PCSK6: variants seen among roughly 807,000 people sequenced by gnomAD.
PCSK6 encodes proprotein convertase subtilisin/kexin type 6, also known as paired basic amino acid cleaving enzyme 4.
A neutral mutation model predicts 123.3 loss-of-function variants in PCSK6; 85 were observed. The observed-to-expected ratio is 0.69, with a 90% CI of 0.58 to 0.83. The LOEUF is 0.83. PCSK6 is among the 40% of genes least tolerant of loss of function. The pLI is 0.00. For synonymous variants in PCSK6, 508 were observed against 516.0 expected (o/e 0.98, Z 0.21); for missense variants, 1,191 against 1,282.3 (o/e 0.93, Z 1.09).
intron 1 of PCSK6, among the ~76,000 whole-genome samples, chr15:101,488,398 A>C (rs969229895): frequency 2.0e-5 from 3 of 152,094 alleles, no homozygotes; most frequent in Non-Finnish European, 4.4e-5. Flanking sequence ...GAGAGGAAAA[A>C]GGGACCCGCC....
intron 11 of PCSK6, among the ~76,000 whole-genome samples, chr15:101,377,886 A>G (rs2041798210): frequency 6.6e-6 from 1 of 152,250 alleles, no homozygotes; most frequent in Non-Finnish European, 1.5e-5. Flanking sequence ...CTGTCTGGAC[A>G]GTAACCTTCC....
chr15:101,322,502 G>C lies in PCSK6; in HGVS notation c.2465+18C>G. 6.3e-7 allele frequency: 1 copy of C among 1,576,692 alleles called. No homozygotes were observed. Among genetic ancestry groups the C allele is most frequent in the Non-Finnish European group, 8.7e-7 (1 of 1,146,726 alleles). On this transcript the variant is annotated intron_variant, in intron 18 of 21. Coordinates refer to ENST00000611716, the MANE Select transcript of PCSK6 (RefSeq NM_002570.5). ...GCGCCACCGCCCTGACATTCCTCAG[G>C]TTTCGAGGGGGTTTTACCTGAATCC...
intron 1 of PCSK6, chr15:101,462,961 C>A: frequency 2.2e-6 from 1 of 453,446 alleles, no homozygotes; most frequent in Non-Finnish European, 4.4e-6. Flanking sequence ...CCAGGAGCAG[C>A]CTGGGAAGGC....
chr15:101,307,074 A>C (rs2039739183), intron 21 of PCSK6, 139 bp downstream of exon 21: 3 of 646,306 alleles, frequency 4.6e-6, no homozygotes, highest in East Asian at 2.7e-5. Flanking sequence ...GGAATCCCAG[A>C]CAGTCAATCG....
At chr15:101,382,353 G>T (rs1399325958) in intron 10 of PCSK6, 144 bp from the exon 11 acceptor site, 2 of 631,500 alleles carry the variant, frequency 3.2e-6, no homozygotes, top group Admixed American at 5.6e-5. Context: ...CTGCAGGACG[G>T]GTCCCCCTGA....
chr15:101,403,543 A>C (rs895573579), intron 6 of PCSK6, among the ~76,000 whole-genome samples: 1 of 152,128 alleles, frequency 6.6e-6, no homozygotes, highest in Non-Finnish European at 1.5e-5. Context: ...TGTCACATAC[A>C]CGTTAGTTAT....
chr15:101,375,046 G>A (rs570070900), intron 11 of PCSK6, among the ~76,000 whole-genome samples: 12 of 151,598 alleles, frequency 7.9e-5, no homozygotes, highest in Admixed American at 3.9e-4. Context: ...TCTGCCTCCC[G>A]GGTTCAAGCA....
At chr15:101,449,708 TG>T (rs2056983703) in intron 1 of PCSK6, among the ~76,000 whole-genome samples, 1 of 152,166 alleles carries the variant, frequency 6.6e-6, no homozygotes, top group Non-Finnish European at 1.5e-5. Flanking sequence ...GAACAGCCAC[TG>T]GGGAGGTGGG....
intron 1 of PCSK6, among the ~76,000 whole-genome samples, chr15:101,447,062 G>A (rs28685726): frequency 0.015 from 2,228 of 152,246 alleles, 43 homozygotes; most frequent in African/African-American, 0.051. Flanking sequence ...AAGTCTCGTC[G>A]GCCCGGATGA....
intron 13 of PCSK6, chr15:101,346,930 GGA>G (rs1439861801): frequency 8.9e-6 from 11 of 1,231,534 alleles, no homozygotes; most frequent in Non-Finnish European, 1.1e-5. Flanking sequence ...TCTCAAACGA[GGA>G]GAGTTTTGGG....
chr15:101,360,310 C>T (rs904830019), intron 13 of PCSK6, among the ~76,000 whole-genome samples: 3 of 152,218 alleles, frequency 2.0e-5, no homozygotes. Flanking sequence ...CACCTCTGTC[C>T]TCTGCCTAAA....
At chr15:101,462,660 G>A (rs558975553) in intron 1 of PCSK6, among the ~76,000 whole-genome samples, 1 of 152,212 alleles carries the variant, frequency 6.6e-6, no homozygotes, top group East Asian at 1.9e-4. Flanking sequence ...TTGAAAGGAG[G>A]AACTAATCCA....
intron 13 of PCSK6, chr15:101,346,582 C>G (rs975182074): frequency 1.1e-5 from 4 of 362,052 alleles, no homozygotes; most frequent in East Asian, 4.2e-5. Flanking sequence ...AAATCAAACA[C>G]ACTTATCTAT....
chr15:101,436,116 C>A lies in PCSK6; in HGVS notation c.403-4016G>T, dbSNP rs12904402. ...CACTTGCACGTCCACCCAAAGCCAC[C>A]ATGTCCTTCTGCCCTAACTTCAAGC... On this transcript the variant is annotated intron_variant, in intron 2 of 21. Coordinates refer to ENST00000611716, the MANE Select transcript of PCSK6 (RefSeq NM_002570.5). Among the ~76,000 whole-genome samples the A allele has an allele frequency of 6.7e-4, 88 of 131,084 alleles. No individual in the cohort carries two copies. The Middle Eastern group carries it at 0.023, about 34-fold the overall frequency. 86.0% of individuals were successfully genotyped at this position (131,084 alleles called of 152,430 possible).
intron 6 of PCSK6, among the ~76,000 whole-genome samples, chr15:101,415,595 G>A (rs567681111): frequency 4.6e-5 from 7 of 152,282 alleles, no homozygotes; most frequent in African/African-American, 1.4e-4. Context: ...TTTACTCAAT[G>A]AGCATAGAAT....
Position 101,436,503 on chromosome 15 carries a change from G to A in PCSK6, c.403-4403C>T, listed in dbSNP as rs112320330. Among the ~76,000 whole-genome samples the A allele has an allele frequency of 2.9e-3, 436 of 152,302 alleles. 1 individual carries two copies. The highest frequency in any genetic ancestry group is 0.01 in the African/African-American group (420 of 41,556). On this transcript the variant is annotated intron_variant, in intron 2 of 21. Coordinates refer to ENST00000611716, the MANE Select transcript of PCSK6 (RefSeq NM_002570.5). ...TATTCTGTAACTGTGAAAGAACAAGGGGACTGCAAGCCAGACCTGACTGTC... is the reference window on the plus strand; with the variant it reads ...TATTCTGTAACTGTGAAAGAACAAGAGGACTGCAAGCCAGACCTGACTGTC...
intron 13 of PCSK6, chr15:101,347,549 G>A (rs1314664780): frequency 1.4e-6 from 2 of 1,395,850 alleles, no homozygotes; most frequent in Non-Finnish European, 1.9e-6. Context: ...CAAGGTTCAT[G>A]CTTGCACGCA....
At chr15:101,474,473 C>T (rs1010499797) in intron 1 of PCSK6, among the ~76,000 whole-genome samples, 7 of 152,192 alleles carry the variant, frequency 4.6e-5, no homozygotes, top group South Asian at 2.1e-4. Context: ...GCACCTCGTC[C>T]GGGGCCAGGC....
At chr15:101,459,471 C>T (rs111645213) in intron 1 of PCSK6, among the ~76,000 whole-genome samples, 117 of 109,740 alleles carry the variant, frequency 1.1e-3, no homozygotes, top group Middle Eastern at 9.9e-3. Context: ...ATTCCCGTCC[C>T]CCCACCCTAA....
Sources: allele counts gnomAD v4.1 joint callset (sites outside exome capture counted in the v4.1 genomes callset), GRCh38; gene constraint gnomAD v4.1.1; transcripts MANE v1.5; gene names NCBI Gene and HGNC (gene_info 2026-07-23, HGNC 2026-07-21).